ZMYND11: variants seen among roughly 807,000 people sequenced by gnomAD.
ZMYND11 encodes zinc finger MYND-type containing 11.
Under a neutral mutation model 84.9 loss-of-function variants are expected in ZMYND11, and 9 were observed. The observed-to-expected ratio is 0.11, with a 90% CI of 0.06 to 0.18. ZMYND11 has a LOEUF of 0.18. Among genes scored for constraint, ZMYND11 ranks in the 10% least tolerant of loss-of-function variants. The probability of loss-of-function intolerance (pLI) is 1.00; values close to 1 mark genes in which losing one functional copy is unlikely to be tolerated. For missense variants in ZMYND11, 409 were observed against 761.0 expected (o/e 0.54, Z 5.44); for synonymous variants, 250 against 244.1 (o/e 1.02, Z -0.23).
chr10:192,531 CTT>C (rs1940717507), intron 2 of ZMYND11, among the ~76,000 whole-genome samples: 1 of 152,234 alleles, frequency 6.6e-6, no homozygotes. Flanking sequence ...ACTTGCCCGA[CTT>C]TTCAGTACCA....
intron 14 of ZMYND11, among the ~76,000 whole-genome samples, chr10:251,448 T>G (rs547941919): frequency 7.2e-5 from 11 of 152,284 alleles, no homozygotes; most frequent in African/African-American, 2.4e-4. Flanking sequence ...TTAGAATGTT[T>G]AGGTATCAAA....
chr10:223,244 A>G (rs1406802643), intron 4 of ZMYND11, among the ~76,000 whole-genome samples: 1 of 151,990 alleles, frequency 6.6e-6, no homozygotes, highest in Non-Finnish European at 1.5e-5. Flanking sequence ...TGGTGTGGCC[A>G]GGCTGGTTGG....
In ZMYND11 at chr10:179,648, C is replaced by T. The variant is rs530636146; in HGVS notation, c.-19-346C>T. On this transcript the variant is annotated intron_variant, in intron 1 of 14. Coordinates refer to ENST00000381604, the MANE Select transcript of ZMYND11 (RefSeq NM_001370100.5). ...TTTGTATTGATCAAATTACAAACAACGCGATGTCAACAAATGAAGTTTTAT... is the reference window on the plus strand; with the variant it reads ...TTTGTATTGATCAAATTACAAACAATGCGATGTCAACAAATGAAGTTTTAT... 1.1e-3 allele frequency among the ~76,000 whole-genome samples: 160 copies of T among 152,182 alleles called. 1 individual carries two copies. The highest frequency in any genetic ancestry group is 3.3e-3 in the African/African-American group (136 of 41,526).
chr10:247,641 G>A (rs1008430166), intron 12 of ZMYND11, among the ~76,000 whole-genome samples, 175 bp downstream of exon 12: 2 of 152,172 alleles, frequency 1.3e-5, no homozygotes, highest in Non-Finnish European at 1.5e-5. Context: ...TGACTTCCCT[G>A]TCATTATCTG....
In ZMYND11 at chr10:184,181, T is replaced by C. The variant is rs146439103; in HGVS notation, c.116+4053T>C. On this transcript the variant is annotated intron_variant, in intron 2 of 14. Coordinates refer to ENST00000381604, the MANE Select transcript of ZMYND11 (RefSeq NM_001370100.5). ...TGGTTCTCAGGGACATCATCTGTGA[T>C]AAAATTTTAGAATCTCGTGTAGTCA... 3.5e-3 allele frequency among the ~76,000 whole-genome samples: 528 copies of C among 152,328 alleles called. 3 individuals carry two copies. Among genetic ancestry groups the C allele is most frequent in the African/African-American group, 0.012 (506 of 41,576 alleles).
intron 2 of ZMYND11, among the ~76,000 whole-genome samples, chr10:199,582 A>C (rs1564367585): frequency 6.6e-6 from 1 of 151,744 alleles, no homozygotes. Context: ...GGTGCATGCC[A>C]CCGTGCTTGG....
At chr10:204,454 G>A (rs998035967) in intron 2 of ZMYND11, among the ~76,000 whole-genome samples, 5 of 152,036 alleles carry the variant, frequency 3.3e-5, no homozygotes, top group African/African-American at 1.2e-4. Context: ...AATGCTGTTA[G>A]TAAATTAGTT....
At position 221,372 on chromosome 10, in the gene ZMYND11, C is replaced by G. The variant is rs1425263556; in HGVS notation, c.438+16C>G. 1.2e-6 allele frequency: 2 copies of G among 1,610,386 alleles called. No homozygotes were observed. The highest frequency in any genetic ancestry group is 3.4e-5 in the Admixed American group (2 of 59,442). ...AGTTTGCAGGGTGAGTACCTATGAG[C>G]TTTCCTGTGCTGGTTAGAGGGTTGG... is the stretch of plus-strand genomic sequence containing the variant. On this transcript the variant is annotated intron_variant, in intron 4 of 14. Transcript: ENST00000381604.
At chr10:155,586 G>A (rs1841501403) in intron 1 of ZMYND11, among the ~76,000 whole-genome samples, 1 of 152,168 alleles carries the variant, frequency 6.6e-6, no homozygotes, top group Non-Finnish European at 1.5e-5. Flanking sequence ...CTTTTCTAAA[G>A]AAGAGCTACA....
chr10:215,561 GTT>G (rs764307085), intron 3 of ZMYND11, among the ~76,000 whole-genome samples: 15 of 138,270 alleles, frequency 1.1e-4, no homozygotes, highest in Admixed American at 1.5e-4. Context: ...TTTGTTTTTT[GTT>G]TTTTTTTTTT....
At chr10:163,918 C>T (rs1472216986) in intron 1 of ZMYND11, among the ~76,000 whole-genome samples, 5 of 152,100 alleles carry the variant, frequency 3.3e-5, no homozygotes, top group African/African-American at 1.2e-4. Context: ...ATGTCAGTGT[C>T]TAAAGAGTCT....
At chr10:192,841 T>C (rs1940796874) in intron 2 of ZMYND11, among the ~76,000 whole-genome samples, 1 of 152,242 alleles carries the variant, frequency 6.6e-6, no homozygotes, top group Non-Finnish European at 1.5e-5. Flanking sequence ...TTTCCTCTTC[T>C]GTGAGTCCCT....
chr10:234,982 A>ATGTGTGTGTGTGTGTGTGTG (rs60483060), intron 4 of ZMYND11, among the ~76,000 whole-genome samples: 33 of 148,994 alleles, frequency 2.2e-4, no homozygotes, highest in South Asian at 6.5e-4. Flanking sequence ...TATTTCGCAA[A>ATGTGTGTGTGTGTGTGTGTG]TGTGTGTGTG....
At chr10:212,931 A>G (rs1369744329) in intron 3 of ZMYND11, among the ~76,000 whole-genome samples, 2 of 152,110 alleles carry the variant, frequency 1.3e-5, no homozygotes, top group Non-Finnish European at 2.9e-5. Flanking sequence ...GAGACAAATT[A>G]TATGTGTATT....
At chr10:226,182 G>A (rs1948086758) in intron 4 of ZMYND11, among the ~76,000 whole-genome samples, 1 of 152,158 alleles carries the variant, frequency 6.6e-6, no homozygotes, top group Non-Finnish European at 1.5e-5. Context: ...ACGACTTGGA[G>A]AGTTCTTAAA....
chr10:226,751 A>G (rs1418767660), intron 4 of ZMYND11, among the ~76,000 whole-genome samples: 2 of 152,174 alleles, frequency 1.3e-5, no homozygotes, highest in African/African-American at 4.8e-5. Flanking sequence ...AAATCCCTCC[A>G]AAGAGTTTTG....
chr10:216,409 A>G (rs1398702812), intron 3 of ZMYND11, among the ~76,000 whole-genome samples: 4 of 152,306 alleles, frequency 2.6e-5, no homozygotes, highest in Non-Finnish European at 5.9e-5. Flanking sequence ...GTATGTTTTA[A>G]GTGCCCTTAG....
At chr10:203,025 T>C (rs1943507768) in intron 2 of ZMYND11, among the ~76,000 whole-genome samples, 1 of 152,138 alleles carries the variant, frequency 6.6e-6, no homozygotes, top group African/African-American at 2.4e-5. Context: ...AAGTTATGCA[T>C]CAAAATCCTA....
intron 1 of ZMYND11, among the ~76,000 whole-genome samples, chr10:164,211 C>T (rs1308999708): frequency 2.0e-5 from 3 of 152,092 alleles, no homozygotes; most frequent in Non-Finnish European, 4.4e-5. Context: ...TTCTGTTTAC[C>T]TCATTCCACT....
Sources: gnomAD v4.1 joint callset for allele counts (sites outside exome capture counted in the v4.1 genomes callset) on GRCh38, gnomAD v4.1.1 for gene constraint, MANE v1.5 for transcripts, NCBI Gene and HGNC (gene_info 2026-07-23, HGNC 2026-07-21) for gene names.